CEP128: variants seen among roughly 807,000 people sequenced by gnomAD.
The protein encoded by CEP128 is centrosomal protein 128kDa.
A neutral mutation model predicts 156.7 loss-of-function variants in CEP128; 132 were observed. The ratio of observed to expected loss-of-function variants is 0.84; its 90% CI spans 0.73 to 0.97. CEP128 has a LOEUF of 0.97. Ranked by LOEUF, CEP128 falls within the 50% of genes least tolerant of loss-of-function variation. The pLI is 0.00. For missense variants in CEP128, 1,252 were observed against 1,281.9 expected (o/e 0.98, Z 0.36); for synonymous variants, 469 against 448.9 (o/e 1.04, Z -0.57).
intron 23 of CEP128, among the ~76,000 whole-genome samples, chr14:80,524,074 A>C (rs1384653689): frequency 1.3e-5 from 2 of 152,230 alleles, no homozygotes. Flanking sequence ...TCTGCTCTAG[A>C]GCACCTGTGT....
At chr14:80,862,255 C>T (rs1887548852) in intron 9 of CEP128, among the ~76,000 whole-genome samples, 1 of 152,124 alleles carries the variant, frequency 6.6e-6, no homozygotes, top group South Asian at 2.1e-4. Flanking sequence ...CACACAAGCA[C>T]CCACAGACAA....
chr14:80,501,141 T>C (rs1887713198), intron 24 of CEP128, among the ~76,000 whole-genome samples: 1 of 152,122 alleles, frequency 6.6e-6, no homozygotes, highest in Non-Finnish European at 1.5e-5. Context: ...TGTGGCAGAA[T>C]TGAAAAACAT....
chr14:80,680,133 C>T (rs1896260021), intron 19 of CEP128, among the ~76,000 whole-genome samples: 1 of 152,122 alleles, frequency 6.6e-6, no homozygotes, highest in African/African-American at 2.4e-5. Flanking sequence ...GCCTCAGTAG[C>T]AAGCGCTGGA....
chr14:80,947,232 C>A (rs7144496), intron 2 of CEP128, among the ~76,000 whole-genome samples: 9,920 of 152,134 alleles, frequency 0.065, 1,070 homozygotes, highest in African/African-American at 0.23. Context: ...TTTGAAATAC[C>A]AACATTTTCC....
At chr14:80,890,509 A>G (rs1408753453) in intron 8 of CEP128, among the ~76,000 whole-genome samples, 2 of 152,160 alleles carry the variant, frequency 1.3e-5, no homozygotes, top group Non-Finnish European at 2.9e-5. Context: ...CATCATTCTC[A>G]GCAAACTAAC....
intron 7 of CEP128, among the ~76,000 whole-genome samples, chr14:80,896,457 G>A (rs980246927): frequency 6.6e-6 from 1 of 152,030 alleles, no homozygotes; most frequent in Non-Finnish European, 1.5e-5. Context: ...TGTTCAACTC[G>A]AGACATTTTC....
chr14:80,882,742 T>C (rs1211417546), intron 8 of CEP128, among the ~76,000 whole-genome samples: 1 of 152,154 alleles, frequency 6.6e-6, no homozygotes, highest in Non-Finnish European at 1.5e-5. Context: ...ATCAAAACAA[T>C]GGGATTCTGT....
upstream of CEP128, among the ~76,000 whole-genome samples, chr14:80,944,505 C>A (rs949844523): frequency 6.6e-6 from 1 of 152,108 alleles, no homozygotes; most frequent in South Asian, 2.1e-4. Flanking sequence ...CTTCCCCAGC[C>A]ATGCAGAACT....
chr14:80,711,941 A>G (rs573970674), intron 19 of CEP128, among the ~76,000 whole-genome samples: 122 of 152,264 alleles, frequency 8.0e-4, no homozygotes, highest in African/African-American at 2.8e-3. Context: ...TTGCATGCCA[A>G]TTCACTCTTC....
At chr14:80,643,244 T>C (rs1595139028) in intron 19 of CEP128, among the ~76,000 whole-genome samples, 1 of 152,032 alleles carries the variant, frequency 6.6e-6, no homozygotes, top group African/African-American at 2.4e-5. Context: ...AAGAATGCCA[T>C]GTGGTTCCTT....
At chr14:80,694,955 G>C (rs1896841631) in intron 19 of CEP128, among the ~76,000 whole-genome samples, 1 of 150,884 alleles carries the variant, frequency 6.6e-6, no homozygotes, top group Non-Finnish European at 1.5e-5. Context: ...TAAAACAAGA[G>C]ATTTAGGTTC....
intron 13 of CEP128, chr14:80,830,080 T>C (rs1257394071): frequency 4.9e-6 from 2 of 407,558 alleles, no homozygotes; most frequent in Middle Eastern, 3.3e-4. Flanking sequence ...AATCATATTT[T>C]AGCATTTTCA....
chr14:80,488,745 CAAT>C (rs1887228707), downstream of CEP128, among the ~76,000 whole-genome samples: 2 of 152,068 alleles, frequency 1.3e-5, no homozygotes, highest in Non-Finnish European at 2.9e-5. Flanking sequence ...AAATGTCCAA[CAAT>C]GATAGTCTGG....
intron 19 of CEP128, among the ~76,000 whole-genome samples, chr14:80,667,575 G>A (rs923589211): frequency 5.9e-5 from 9 of 151,990 alleles, no homozygotes; most frequent in South Asian, 2.1e-4. Flanking sequence ...GAATTTCCTC[G>A]AGGCCGGGTG....
intron 20 of CEP128, among the ~76,000 whole-genome samples, chr14:80,571,663 T>G (rs926308005): frequency 2.6e-5 from 4 of 152,188 alleles, no homozygotes; most frequent in African/African-American, 9.7e-5. Context: ...AATTTAAAAT[T>G]TATGGAAACG....
chr14:80,648,368 A>G (rs1164804143), intron 19 of CEP128, among the ~76,000 whole-genome samples: 1 of 152,168 alleles, frequency 6.6e-6, no homozygotes, highest in Non-Finnish European at 1.5e-5. Flanking sequence ...AGGCTTCATT[A>G]GTGGCTGCAA....
rs542899363 is a variant in CEP128, at chr14:80,584,193, C to A, written c.2807-3770G>T. Among the ~76,000 whole-genome samples the A allele has an allele frequency of 2.1e-4, 28 of 135,282 alleles. No homozygotes were observed. In the Admixed American group the frequency reaches 2.1e-3, roughly 10 times the overall value. 88.8% of individuals were successfully genotyped at this position (135,282 alleles called of 152,430 possible). On this transcript the variant is annotated intron_variant, in intron 19 of 24. Transcript: ENST00000555265. Reference sequence around the variant, plus strand: ...GACAGCGTCTCATCCGATGCCCAGACTGGAGTGCAGTGGCGCCATCTCGGC... The same window carrying A: ...GACAGCGTCTCATCCGATGCCCAGAATGGAGTGCAGTGGCGCCATCTCGGC...
At chr14:80,847,008 T>C (rs1886640889) in intron 9 of CEP128, among the ~76,000 whole-genome samples, 1 of 152,192 alleles carries the variant, frequency 6.6e-6, no homozygotes, top group Non-Finnish European at 1.5e-5. Context: ...AGAGACTGTC[T>C]ACAATATCTA....
chr14:80,953,821 C>T (rs1159630825), intron 2 of CEP128, among the ~76,000 whole-genome samples: 2 of 152,106 alleles, frequency 1.3e-5, no homozygotes, highest in African/African-American at 2.4e-5. Flanking sequence ...TTTTTCCTGT[C>T]CCTATGGTTT....
Sources: gnomAD v4.1 joint callset for allele counts (sites outside exome capture counted in the v4.1 genomes callset) on GRCh38, gnomAD v4.1.1 for gene constraint, MANE v1.5 for transcripts, NCBI Gene and HGNC (gene_info 2026-07-23, HGNC 2026-07-21) for gene names.